CSMD3: variants seen among roughly 807,000 people sequenced by gnomAD.
CSMD3 encodes CUB and sushi domain-containing protein 3.
A neutral mutation model predicts 435.2 loss-of-function variants in CSMD3; 177 were observed. The ratio of observed to expected loss-of-function variants is 0.41; its 90% CI spans 0.36 to 0.46. The LOEUF (loss-of-function observed/expected upper bound fraction) is 0.46. Ranked by LOEUF, CSMD3 falls within the 20% of genes least tolerant of loss-of-function variation. The probability of loss-of-function intolerance (pLI) is 0.34; values close to 1 mark genes in which losing one functional copy is unlikely to be tolerated. For synonymous variants in CSMD3, 1,656 were observed against 1,520.5 expected (o/e 1.09, Z -2.07); for missense variants, 4,265 against 4,504.6 (o/e 0.95, Z 1.52).
intron 10 of CSMD3, among the ~76,000 whole-genome samples, chr8:112,921,019 A>G (rs1340492596): frequency 6.6e-6 from 1 of 150,770 alleles, no homozygotes; most frequent in Non-Finnish European, 1.5e-5. Context: ...ACACACACAC[A>G]CACACACACA....
intron 7 of CSMD3, among the ~76,000 whole-genome samples, chr8:112,963,253 C>G (rs944340318): frequency 2.0e-5 from 3 of 151,966 alleles, no homozygotes; most frequent in Non-Finnish European, 4.4e-5. Flanking sequence ...TCGTAACAGC[C>G]CAGCTGCTGC....
intron 38 of CSMD3, among the ~76,000 whole-genome samples, chr8:112,359,054 T>C (rs935139592): frequency 6.6e-6 from 1 of 152,172 alleles, no homozygotes; most frequent in Non-Finnish European, 1.5e-5. Flanking sequence ...TTTTCAAATA[T>C]GCAACTATTA....
chr8:112,859,137 T>C lies in CSMD3; in HGVS notation c.1755+8A>G. The C allele has an allele frequency of 6.2e-7, 1 of 1,609,450 alleles. No homozygotes were observed. Among genetic ancestry groups the C allele is most frequent in the Non-Finnish European group, 8.5e-7 (1 of 1,176,250 alleles). ...TTTTTTTTTAAATCACAGATGGTGT[T>C]CTCTTACCTTATTTGTATTCACTGC... On this transcript the variant is annotated splice_region_variant and intron_variant, in intron 11 of 70. Transcript: ENST00000297405.
intron 13 of CSMD3, among the ~76,000 whole-genome samples, chr8:112,762,878 T>C (rs1266804706): frequency 1.8e-4 from 27 of 151,788 alleles, no homozygotes; most frequent in Admixed American, 1.8e-3. Context: ...GAGAGTAGCA[T>C]AGTGGTAACC....
chr8:113,170,725 A>G (rs1308590081), intron 4 of CSMD3, among the ~76,000 whole-genome samples: 1 of 152,174 alleles, frequency 6.6e-6, no homozygotes, highest in Non-Finnish European at 1.5e-5. Flanking sequence ...TTTGATTCTC[A>G]GCACATAACA....
intron 32 of CSMD3, among the ~76,000 whole-genome samples, chr8:112,431,633 T>G (rs1158805041): frequency 6.6e-6 from 1 of 152,118 alleles, no homozygotes; most frequent in Non-Finnish European, 1.5e-5. Context: ...TCAATAAATA[T>G]ATGAAGGCCA....
At chr8:112,619,675 CTCAGT>C (rs1833916892) in intron 22 of CSMD3, among the ~76,000 whole-genome samples, 1 of 152,086 alleles carries the variant, frequency 6.6e-6, no homozygotes, top group Non-Finnish European at 1.5e-5. Flanking sequence ...AGGCCAGCTA[CTCAGT>C]TTGCACATTG....
intron 5 of CSMD3, among the ~76,000 whole-genome samples, chr8:113,051,192 A>C (rs1215961204): frequency 6.6e-6 from 1 of 152,168 alleles, no homozygotes; most frequent in Non-Finnish European, 1.5e-5. Context: ...CAATGAAAAA[A>C]TACGCTGTTG....
chr8:113,171,742 G>A (rs1043153977), intron 4 of CSMD3, among the ~76,000 whole-genome samples: 1 of 152,108 alleles, frequency 6.6e-6, no homozygotes, highest in East Asian at 1.9e-4. Context: ...ATTTGCTTTT[G>A]GGAGACATTT....
intron 24 of CSMD3, among the ~76,000 whole-genome samples, chr8:112,566,791 C>A (rs948236685): frequency 6.6e-6 from 1 of 152,058 alleles, no homozygotes; most frequent in African/African-American, 2.4e-5. Flanking sequence ...CAGGCAAAGA[C>A]CCCATTTGCA....
chr8:113,029,398 C>T (rs996112598), intron 5 of CSMD3, among the ~76,000 whole-genome samples: 4 of 151,460 alleles, frequency 2.6e-5, no homozygotes, highest in African/African-American at 9.7e-5. Flanking sequence ...CTAATCAAAT[C>T]CAACAGCATA....
chr8:113,011,879 G>A (rs189722942), intron 6 of CSMD3, among the ~76,000 whole-genome samples: 15 of 151,738 alleles, frequency 9.9e-5, no homozygotes, highest in African/African-American at 3.4e-4. Context: ...TGCTGTTTCT[G>A]TAGACATTGT....
chr8:113,415,328 C>T (rs1444118008), intron 1 of CSMD3, among the ~76,000 whole-genome samples: 1 of 152,066 alleles, frequency 6.6e-6, no homozygotes, highest in Non-Finnish European at 1.5e-5. Flanking sequence ...TAGAACTGCA[C>T]AGCTGAGAGA....
chr8:113,153,101 A>AAAG (rs35085690), intron 4 of CSMD3, among the ~76,000 whole-genome samples: 13,765 of 99,914 alleles, frequency 0.14, 1,242 homozygotes, highest in East Asian at 0.23. Flanking sequence ...AGAAAGAAAG[A>AAAG]AAAGAAAGAA....
chr8:112,957,961 T>C (rs1222263765), intron 7 of CSMD3, among the ~76,000 whole-genome samples: 1 of 152,206 alleles, frequency 6.6e-6, no homozygotes, highest in East Asian at 1.9e-4. Context: ...GCCAGGCTGG[T>C]CTCGATCTCT....
At chr8:112,751,653 A>C (rs1286834441) in intron 13 of CSMD3, among the ~76,000 whole-genome samples, 2 of 131,586 alleles carry the variant, frequency 1.5e-5, no homozygotes, top group Admixed American at 7.8e-5. Context: ...TATATATTTT[A>C]CCTATTCTCC....
chr8:112,393,415 T>TC (rs1166912377), intron 35 of CSMD3, among the ~76,000 whole-genome samples: 1 of 152,172 alleles, frequency 6.6e-6, no homozygotes, highest in Non-Finnish European at 1.5e-5. Context: ...CTTTGGAATT[T>TC]CCCTGTGTTA....
intron 27 of CSMD3, among the ~76,000 whole-genome samples, chr8:112,543,286 A>G (rs1010419670): frequency 6.6e-6 from 1 of 152,128 alleles, no homozygotes; most frequent in African/African-American, 2.4e-5. Context: ...GCTTCTGTAC[A>G]ATCAACAGGG....
At chr8:112,975,809 T>C (rs1296405759) in intron 7 of CSMD3, 28 bp downstream of exon 7, 2 of 1,611,986 alleles carry the variant, frequency 1.2e-6, no homozygotes, top group Admixed American at 1.7e-5. Flanking sequence ...TGTAACTAAA[T>C]GGGCACAAGT....
Sources: allele counts gnomAD v4.1 joint callset (sites outside exome capture counted in the v4.1 genomes callset), GRCh38; gene constraint gnomAD v4.1.1; transcripts MANE v1.5; gene names NCBI Gene and HGNC (gene_info 2026-07-23, HGNC 2026-07-21).